Variants in URB1 observed in about 807,000 individuals in gnomAD.
URB1 encodes URB1 ribosome biogenesis factor, also known as nucleolar pre-ribosomal-associated protein 1.
A neutral mutation model predicts 242.3 loss-of-function variants in URB1; 197 were observed. That is an observed-to-expected ratio of 0.81 (90% CI 0.72 to 0.91). The LOEUF (loss-of-function observed/expected upper bound fraction) is 0.91, where lower values mean the gene tolerates loss of function less well. Ranked by LOEUF, URB1 falls within the 40% of genes least tolerant of loss-of-function variation. URB1 has a pLI of 0.00. For missense variants in URB1, 2,721 were observed against 2,860.5 expected (o/e 0.95, Z 1.11); for synonymous variants, 1,153 against 1,201.8 (o/e 0.96, Z 0.84).
At chr21:32,333,909 T>C (rs938424347) in intron 29 of URB1, among the ~76,000 whole-genome samples, 7 of 152,126 alleles carry the variant, frequency 4.6e-5, no homozygotes, top group African/African-American at 1.7e-4. Flanking sequence ...ATAGGATCCT[T>C]GGGATGTGCT....
rs780230638 is a variant in URB1, at chr21:32,344,651, C to T, written c.4176G>A (p.Val1392=). The part of the protein sequence containing the change: ...LLESCVKWLI[V]SFSGGQQDDD... ...CATCTTGCTGTCCACCACTGAAAGA[C>T]ACGATCAGCCACTTCACACAGGACT... The change falls in exon 24 of 39, where the codon GTG becomes GTA. Residue 1392 remains valine, a synonymous_variant. Transcript: ENST00000382751. 1 of 1,552,372 alleles carries T rather than the reference C, an allele frequency of 6.4e-7. No individual in the cohort carries two copies. Among genetic ancestry groups the T allele is most frequent in the African/African-American group, 1.4e-5 (1 of 73,170 alleles).
chr21:32,334,210 G>A lies in URB1; in HGVS notation c.4810C>T (p.Gln1604Ter). The change falls in exon 29 of 39, where the codon CAG (glutamine) becomes TAG (stop). Residue 1604 changes from glutamine (Q) to a stop codon, truncating the protein, a stop_gained. Transcript: ENST00000382751. LOFTEE classifies it high-confidence loss of function. ...LRLLDRDRMM[Q>*]TILHFPQNRR... ...TTCTGGGGGAAGTGCAGGATGGTCT[G>A]CATCATCCGGTCCCGGTCCAGCAGG... 3.2e-6 allele frequency: 5 copies of A among 1,551,462 alleles called. No homozygotes were observed.
chr21:32,392,161 C>T (rs1290834623), intron 1 of URB1, among the ~76,000 whole-genome samples: 2 of 152,206 alleles, frequency 1.3e-5, no homozygotes, highest in Non-Finnish European at 2.9e-5. Context: ...CGTTCAATTG[C>T]GTTTTTCCCA....
In URB1 at chr21:32,384,576, T is replaced by A. The variant is rs1382825711; in HGVS notation, c.283-112A>T. The A allele has an allele frequency of 1.2e-5, 16 of 1,370,510 alleles. 1 individual carries two copies. Among genetic ancestry groups the A allele is most frequent in the South Asian group, 8.7e-5 (6 of 68,760 alleles). The allele number at this position is 1,370,510 out of a possible 1,614,324, so 84.9% of individuals were successfully genotyped here. ...ACTTGTAGGCTTAAAGCCTTCAACATGCAGGATGACGCCCACCCAGATCCT... is the reference window on the plus strand; with the variant it reads ...ACTTGTAGGCTTAAAGCCTTCAACAAGCAGGATGACGCCCACCCAGATCCT... On this transcript the variant is annotated intron_variant, in intron 2 of 38. Coordinates refer to ENST00000382751, the MANE Select transcript of URB1 (RefSeq NM_014825.3).
intron 10 of URB1, 78 bp downstream of exon 10, chr21:32,366,540 T>C: frequency 6.5e-7 from 1 of 1,529,362 alleles, no homozygotes; most frequent in East Asian, 2.5e-5. Flanking sequence ...CCAGGCCAGT[T>C]CTCAGAATAA....
rs1476927873 is a variant in URB1 at position 32,325,423 on chromosome 21, C to T, written c.4961-34G>A. 45 of 1,525,424 alleles carry T rather than the reference C, an allele frequency of 2.9e-5. 1 individual carries two copies. The Middle Eastern group carries it at 6.8e-4, about 23-fold the overall frequency. 94.5% of individuals were successfully genotyped at this position (1,525,424 alleles called of 1,614,324 possible). A position where few individuals can be genotyped will look rare whatever the true frequency, so the allele number is the denominator to read the frequency against. On this transcript the variant is annotated intron_variant, in intron 30 of 38. Coordinates refer to ENST00000382751, the MANE Select transcript of URB1 (RefSeq NM_014825.3). The stretch of plus-strand genomic sequence containing the variant: ...AATGAAATACAGCATGAAACACACA[C>T]AATATGATTTTATTATTCTTGTTAA...
Position 32,347,589 on chromosome 21 carries a change from T to C in URB1, c.3235A>G (p.Ile1079Val), listed in dbSNP as rs1281114273. ...LGLLARYSEAITQSVLKELQN... is the reference protein window; with the variant it reads ...LGLLARYSEAVTQSVLKELQN... ...AGTTCCTTCAGCACACTCTGGGTGA[T>C]GGCCTCTGAGTACCTGGCCAGAAGG... The change falls in exon 22 of 39, where the codon ATC (isoleucine) becomes GTC (valine). Residue 1079 changes from isoleucine to valine, a missense_variant. Coordinates refer to ENST00000382751, the MANE Select transcript of URB1 (RefSeq NM_014825.3). The C allele has an allele frequency of 2.6e-6, 4 of 1,551,466 alleles. No homozygotes were observed. Among genetic ancestry groups the C allele is most frequent in the Non-Finnish European group, 2.6e-6 (3 of 1,146,940 alleles).
rs114003733 is a variant in URB1 at position 32,385,595 on chromosome 21, A to C, written c.232T>G (p.Cys78Gly). 78 of 1,552,020 alleles carry C rather than the reference A, an allele frequency of 5.0e-5. No homozygotes were observed. The African/African-American group carries it at 9.4e-4, about 19-fold the overall frequency. Residue 78 changes from cysteine (C) to glycine (G), a missense_variant, in exon 2 of 39, where the codon TGT becomes GGT. By Grantham distance (159) the Cys-to-Gly change is radical. Transcript: ENST00000382751. ...VEGYIKISVE[C>G]VEIFQLLSGE... ...CTTAGGAGCTGGAAAATTTCGACAC[A>C]CTCAACAGAAATCTTTATATACCCT...
chr21:32,334,190 G>A lies in URB1; in HGVS notation c.4830C>T (p.Pro1610=). 3 of 1,549,608 alleles carry A rather than the reference G, an allele frequency of 1.9e-6. No individual in the cohort carries two copies. The highest frequency in any genetic ancestry group is 2.4e-5 in the East Asian group (1 of 40,848). Residue 1610 remains proline, a synonymous_variant, in exon 29 of 39, where the codon CCC becomes CCT. Transcript: ENST00000382751. ...DRMMQTILHF[P]QNRRLLPPED... is the part of the protein sequence containing the mutation. ...CGGGGGGCAGCAGCCTCCGGTTCTG[G>A]GGGAAGTGCAGGATGGTCTGCATCA... is the stretch of plus-strand genomic sequence containing the variant.
chr21:32,320,623 A>C lies in URB1; in HGVS notation c.5502T>G (p.Ile1834Met), dbSNP rs2123543860. Residue 1834 changes from isoleucine to methionine, a missense_variant, in exon 35 of 39, where the codon ATT becomes ATG. Transcript: ENST00000382751. ...DEAAQNWILE[I>M]LQNAAQVARS... ...TGGCAACCTGGGCAGCATTCTGTAGAATTTCCAGAATCCAATTCTGAAAAC... is the reference window on the plus strand; with the variant it reads ...TGGCAACCTGGGCAGCATTCTGTAGCATTTCCAGAATCCAATTCTGAAAAC... 1 of 1,551,654 alleles carries C rather than the reference A, an allele frequency of 6.4e-7. No individual in the cohort carries two copies. The highest frequency in any genetic ancestry group is 8.7e-7 in the Non-Finnish European group (1 of 1,146,946).
In URB1 at chr21:32,345,540, G is replaced by C; in HGVS notation, c.3904C>G (p.Leu1302Val). ...SAVIPVLRKT[L>V]WRQLQSRLLS... Reference sequence around the variant, plus strand: ...AGCCTGCTCTGTAGCTGCCTCCACAGGGTCTTCCTCAAGACAGGAATGACA... The same window carrying C: ...AGCCTGCTCTGTAGCTGCCTCCACACGGTCTTCCTCAAGACAGGAATGACA... Residue 1302 changes from leucine to valine, a missense_variant, in exon 23 of 39, where the codon CTG becomes GTG. Physicochemically the swap from Leu to Val is conservative, Grantham distance 32. Transcript: ENST00000382751. The C allele has an allele frequency of 6.5e-7, 1 of 1,548,784 alleles. No individual in the cohort carries two copies. Among genetic ancestry groups the C allele is most frequent in the Non-Finnish European group, 8.7e-7 (1 of 1,144,596 alleles).
chr21:32,383,400 C>T (rs1408319083), intron 4 of URB1, 22 bp downstream of exon 4: 10 of 1,544,960 alleles, frequency 6.5e-6, no homozygotes, highest in Non-Finnish European at 8.7e-6. Context: ...ATGGAAGGCA[C>T]GAGACACTGT....
chr21:32,354,017 G>A lies in URB1; in HGVS notation c.2332C>T (p.Leu778=), dbSNP rs915529. The change falls in exon 18 of 39, where the codon CTG becomes TTG. Residue 778 remains leucine (L), a synonymous_variant. Coordinates refer to ENST00000382751, the MANE Select transcript of URB1 (RefSeq NM_014825.3). Reference sequence around the variant, plus strand: ...ACCGCACTGAATGGGAACGTGAGCAGGATCATGTCTTCACTCAACGTGAAC... The same window carrying A: ...ACCGCACTGAATGGGAACGTGAGCAAGATCATGTCTTCACTCAACGTGAAC... ...IGFTLSEDMI[L]LTFPFSAVVP... 47,934 of 1,551,700 alleles carry A rather than the reference G, an allele frequency of 0.031. 2,622 individuals carry two copies. The highest frequency in any genetic ancestry group is 0.21 in the Admixed American group (10,855 of 50,986).
chr21:32,349,401 T>C lies in URB1; in HGVS notation c.2915A>G (p.Asp972Gly). 2 of 1,551,488 alleles carry C rather than the reference T, an allele frequency of 1.3e-6. No individual in the cohort carries two copies. The highest frequency in any genetic ancestry group is 4.9e-5 in the East Asian group (2 of 40,910). Residue 972 changes from aspartate (D) to glycine (G), a missense_variant, in exon 21 of 39, where the codon GAT becomes GGT. Asp to Gly is a moderately conservative substitution (Grantham distance 94). Coordinates refer to ENST00000382751, the MANE Select transcript of URB1 (RefSeq NM_014825.3). ...RRLVVHCEQL[D>G]AQNQQRCEAA... ...CTCGCATCTCTGCTGGTTCTGGGCA[T>C]CCAGCTGCTCACAGTGGACAACCAG...
At chr21:32,352,023 C>T (rs893986050) in intron 19 of URB1, among the ~76,000 whole-genome samples, 3 of 152,248 alleles carry the variant, frequency 2.0e-5, no homozygotes, top group African/African-American at 2.4e-5. Context: ...TAGTACAGGA[C>T]CCGGTATGCC....
In URB1 at chr21:32,314,624, C is replaced by T; in HGVS notation, c.*294G>A. On this transcript the variant is annotated 3_prime_UTR_variant, in exon 39 of 39. Coordinates refer to ENST00000382751, the MANE Select transcript of URB1 (RefSeq NM_014825.3). ...TCGAGCTATTTCCTGTGATGAGCTC[C>T]AAGCCCCTAGAGAGGAAGGGGCGGC... 6.2e-7 allele frequency: 1 copy of T among 1,614,228 alleles called. No individual in the cohort carries two copies. The highest frequency in any genetic ancestry group is 1.1e-5 in the South Asian group (1 of 91,082).
Position 32,322,544 on chromosome 21 carries a change from C to T in URB1, c.5274G>A (p.Ser1758=), listed in dbSNP as rs781711431. ...MYLKVSNFLL[S]HEYLNMDKVP... is the part of the protein sequence containing the mutation. ...CTTTGTCCATGTTCAAGTACTCATGCGACAGCAGGAAGTTGCTGACCTTCA... is the reference window on the plus strand; with the variant it reads ...CTTTGTCCATGTTCAAGTACTCATGTGACAGCAGGAAGTTGCTGACCTTCA... Residue 1758 remains serine (S), a synonymous_variant, in exon 33 of 39, where the codon TCG becomes TCA. Transcript: ENST00000382751. 2.6e-6 allele frequency: 4 copies of T among 1,551,968 alleles called. No individual in the cohort carries two copies. The highest frequency in any genetic ancestry group is 1.7e-4 in the Middle Eastern group (1 of 6,016).
intron 25 of URB1, among the ~76,000 whole-genome samples, 172 bp downstream of exon 25, chr21:32,341,294 C>T (rs1167470998): frequency 6.6e-6 from 1 of 152,170 alleles, no homozygotes; most frequent in Non-Finnish European, 1.5e-5. Flanking sequence ...ATCAGAAGCA[C>T]CCTGTGTCAA....
At chr21:32,375,292 T>C in intron 6 of URB1, 106 bp downstream of exon 6, 1 of 651,676 alleles carries the variant, frequency 1.5e-6, no homozygotes, top group Non-Finnish European at 2.4e-6. Flanking sequence ...TACAACAATC[T>C]ATGTAAGATA....
Sources: gnomAD v4.1 joint callset for allele counts (sites outside exome capture counted in the v4.1 genomes callset) on GRCh38, gnomAD v4.1.1 for gene constraint, MANE v1.5 for transcripts, NCBI Gene and HGNC (gene_info 2026-07-23, HGNC 2026-07-21) for gene names.